The following GABRB3 variants were observed in gnomAD, a reference collection of about 807,000 sequenced individuals.
GABRB3 encodes the protein gamma-aminobutyric acid receptor subunit beta-3.
GABRB3 carries 14 observed loss-of-function variants against 52.1 expected under a neutral mutation model. That is an observed-to-expected ratio of 0.27 (90% CI 0.18 to 0.42). The LOEUF is 0.42. GABRB3 is among the 10% of genes least tolerant of loss of function. The probability of loss-of-function intolerance (pLI) is 1.00; values close to 1 mark genes in which losing one functional copy is unlikely to be tolerated. For missense variants in GABRB3, 307 were observed against 609.1 expected (o/e 0.50, Z 5.22); for synonymous variants, 260 against 232.3 (o/e 1.12, Z -1.08).
intron 3 of GABRB3, among the ~76,000 whole-genome samples, chr15:26,642,949 C>T (rs769287616): frequency 9.9e-5 from 15 of 152,194 alleles, no homozygotes; most frequent in East Asian, 5.8e-4. Flanking sequence ...CTCAGTCCCT[C>T]GGGGCTTCCC....
At chr15:26,563,953 ATT>A (rs1260570761) in intron 7 of GABRB3, among the ~76,000 whole-genome samples, 2 of 152,202 alleles carry the variant, frequency 1.3e-5, no homozygotes, top group African/African-American at 4.8e-5. Flanking sequence ...TAGTCAAAAT[ATT>A]TTGTTTCTCC....
At chr15:26,579,358 C>T (rs968129860) in intron 6 of GABRB3, among the ~76,000 whole-genome samples, 15 of 152,120 alleles carry the variant, frequency 9.9e-5, no homozygotes, top group African/African-American at 3.1e-4. Flanking sequence ...GGGGCTGTGC[C>T]GGGTCAAGCA....
chr15:26,715,538 G>A (rs1595547281), intron 3 of GABRB3, among the ~76,000 whole-genome samples: 1 of 152,170 alleles, frequency 6.6e-6, no homozygotes, highest in Admixed American at 6.5e-5. Context: ...GCAGGAACGA[G>A]AAGGACATGA....
intron 4 of GABRB3, among the ~76,000 whole-genome samples, chr15:26,596,725 T>C (rs1026611064): frequency 6.6e-6 from 1 of 152,168 alleles, no homozygotes; most frequent in African/African-American, 2.4e-5. Context: ...ATATAATCTG[T>C]TACTATATTT....
intron 6 of GABRB3, among the ~76,000 whole-genome samples, chr15:26,571,362 G>A (rs1890387439): frequency 6.6e-6 from 1 of 152,116 alleles, no homozygotes; most frequent in Non-Finnish European, 1.5e-5. Flanking sequence ...GTTGGCCTCT[G>A]GTAGAAGAGC....
At chr15:26,640,111 C>T (rs543393155) in intron 3 of GABRB3, among the ~76,000 whole-genome samples, 2 of 152,286 alleles carry the variant, frequency 1.3e-5, no homozygotes, top group East Asian at 3.9e-4. Flanking sequence ...ACATCTCACA[C>T]TATTCATATT....
At chr15:26,769,635 G>A (rs1891091896) in intron 3 of GABRB3, among the ~76,000 whole-genome samples, 1 of 152,006 alleles carries the variant, frequency 6.6e-6, no homozygotes, top group South Asian at 2.1e-4. Context: ...TCCTAACCCA[G>A]AATATCCTCT....
At chr15:26,585,400 G>T (rs922519429) in intron 4 of GABRB3, among the ~76,000 whole-genome samples, 2 of 152,100 alleles carry the variant, frequency 1.3e-5, no homozygotes, top group African/African-American at 4.8e-5. Context: ...GAGCAAGCCC[G>T]ACTCTTACCA....
chr15:26,716,062 G>C (rs1429639163), intron 3 of GABRB3, among the ~76,000 whole-genome samples: 1 of 152,190 alleles, frequency 6.6e-6, no homozygotes, highest in Non-Finnish European at 1.5e-5. Flanking sequence ...TCTAAAGCAA[G>C]TGCATCCAAC....
chr15:26,583,276 C>T (rs1236371506), intron 5 of GABRB3, 56 bp downstream of exon 5: 1 of 1,428,566 alleles, frequency 7.0e-7, no homozygotes, highest in African/African-American at 1.4e-5. Flanking sequence ...TAAATAATGA[C>T]AAAAGGATCA....
chr15:26,741,042 ATAAGTGTGTGTGTGTGTG>A (rs1318234007), intron 3 of GABRB3, among the ~76,000 whole-genome samples: 25 of 138,112 alleles, frequency 1.8e-4, no homozygotes, highest in Admixed American at 2.7e-4. Flanking sequence ...CGAGGGAGGA[ATAAGTGTGTGTGTGTGTG>A]TGTGTGTGTG....
chr15:26,549,606 C>T (rs887679322), intron 8 of GABRB3, among the ~76,000 whole-genome samples: 1 of 152,072 alleles, frequency 6.6e-6, no homozygotes, highest in Non-Finnish European at 1.5e-5. Flanking sequence ...GCCATGAACC[C>T]CTAGGTTGAA....
intron 3 of GABRB3, among the ~76,000 whole-genome samples, chr15:26,664,704 G>T (rs912139617): frequency 2.1e-3 from 196 of 95,098 alleles, no homozygotes; most frequent in African/African-American, 2.2e-3. Flanking sequence ...TCTTTTCTTT[G>T]TTTTTTTTTT....
At chr15:26,756,070 G>A (rs972933399) in intron 3 of GABRB3, among the ~76,000 whole-genome samples, 2 of 152,082 alleles carry the variant, frequency 1.3e-5, no homozygotes, top group Non-Finnish European at 1.5e-5. Context: ...GTAAATAATA[G>A]TGCATACATA....
chr15:26,568,591 T>G (rs1431802535), intron 6 of GABRB3, among the ~76,000 whole-genome samples: 1 of 148,518 alleles, frequency 6.7e-6, no homozygotes, highest in Non-Finnish European at 1.5e-5. Flanking sequence ...TCCACCTCCC[T>G]GGTTCAGGCG....
intron 6 of GABRB3, among the ~76,000 whole-genome samples, chr15:26,568,583 C>CA (rs1890270601): frequency 6.6e-6 from 1 of 150,988 alleles, no homozygotes; most frequent in Non-Finnish European, 1.5e-5. Context: ...CTGCAACCTC[C>CA]ACCTCCCTGG....
chr15:26,610,621 G>C (rs1892033131), intron 4 of GABRB3, among the ~76,000 whole-genome samples: 2 of 152,258 alleles, frequency 1.3e-5, no homozygotes, highest in Non-Finnish European at 2.9e-5. Context: ...TGGGAAAGTG[G>C]GATGGAGTTA....
chr15:26,593,681 A>G (rs991862646), intron 4 of GABRB3, among the ~76,000 whole-genome samples: 8 of 152,094 alleles, frequency 5.3e-5, no homozygotes, highest in African/African-American at 1.9e-4. Flanking sequence ...AAATTCCATT[A>G]TATGGATATA....
Position 26,621,319 on chromosome 15 carries a change from C to A in GABRB3, c.456G>T (p.Gly152=), listed in dbSNP as rs1892473974. ...RLHPDGTVLY[G]LRITTTAACM... ...TCCTGAAGAGGCACACAGACCTGAG[C>A]CCATACAGCACTGTCCCATCAGGGT... The change falls in exon 4 of 9, where the codon GGG becomes GGT. Residue 152 remains glycine, a synonymous_variant. Coordinates refer to ENST00000311550, the MANE Select transcript of GABRB3 (RefSeq NM_000814.6). This position sits in a 1 kb window ranked among gnomAD's most constrained non-coding sequence, Gnocchi z 4.1. The A allele has an allele frequency of 6.2e-7, 1 of 1,613,176 alleles. No homozygotes were observed. Among genetic ancestry groups the A allele is most frequent in the East Asian group, 2.2e-5 (1 of 44,860 alleles).
Sources: allele counts gnomAD v4.1 joint callset (sites outside exome capture counted in the v4.1 genomes callset), GRCh38; gene constraint gnomAD v4.1.1; non-coding constraint Gnocchi (gnomAD v3.1); transcripts MANE v1.5; gene names NCBI Gene and HGNC (gene_info 2026-07-23, HGNC 2026-07-21).